Variants in FAM184B observed in about 807,000 individuals in gnomAD.
The protein encoded by FAM184B is family with sequence similarity 184 member B.
A neutral mutation model predicts 135.9 loss-of-function variants in FAM184B; 111 were observed. The observed-to-expected ratio is 0.82, with a 90% CI of 0.70 to 0.96. The LOEUF (loss-of-function observed/expected upper bound fraction) is 0.96, where lower values mean the gene tolerates loss of function less well. Ranked by LOEUF, FAM184B falls within the 40% of genes least tolerant of loss-of-function variation. FAM184B has a pLI of 0.00. For missense variants in FAM184B, 1,375 were observed against 1,323.9 expected (o/e 1.04, Z -0.60); for synonymous variants, 552 against 524.8 (o/e 1.05, Z -0.71).
At chr4:17,704,816 A>G (rs1122675) in intron 5 of FAM184B, among the ~76,000 whole-genome samples, 184 bp downstream of exon 5, 106,541 of 152,158 alleles carry the variant, frequency 0.7, 38,052 homozygotes, top group Non-Finnish European at 0.78. Context: ...AGAAGGCATA[A>G]GGAGCTGTGC....
intron 12 of FAM184B, among the ~76,000 whole-genome samples, chr4:17,646,377 C>T (rs1452428587): frequency 1.3e-5 from 2 of 152,130 alleles, no homozygotes; most frequent in South Asian, 2.1e-4. Flanking sequence ...GGCACATATA[C>T]ACCATGGAAT....
chr4:17,673,107 G>T (rs1577255453), intron 7 of FAM184B, among the ~76,000 whole-genome samples: 2 of 152,100 alleles, frequency 1.3e-5, no homozygotes, highest in East Asian at 3.8e-4. Flanking sequence ...CCACCAAAAA[G>T]TGGGCTAAGG....
At chr4:17,637,027 CCT>C (rs1491506315) in intron 14 of FAM184B, among the ~76,000 whole-genome samples, 1 of 152,022 alleles carries the variant, frequency 6.6e-6, no homozygotes, top group African/African-American at 2.4e-5. Context: ...GTACCTATGG[CCT>C]TTTTTTTCTT....
Position 17,709,522 on chromosome 4 carries a change from T to G in FAM184B, c.264A>C (p.Glu88Asp). 1 of 1,551,090 alleles carries G rather than the reference T, an allele frequency of 6.4e-7. No homozygotes were observed. Among genetic ancestry groups the G allele is most frequent in the Non-Finnish European group, 8.7e-7 (1 of 1,146,966 alleles). Residue 88 changes from glutamate to aspartate, a missense_variant, in exon 2 of 18, where the codon GAA becomes GAC. Physicochemically the swap from Glu to Asp is conservative, Grantham distance 45 (BLOSUM62 2). Coordinates refer to ENST00000265018, the MANE Select transcript of FAM184B (RefSeq NM_015688.2). ...VAETKARLLQ[E>D]QGCAEEEALL... The stretch of plus-strand genomic sequence containing the variant: ...GGGCTTCCTCCTCTGCGCAGCCCTG[T>G]TCCTGCAGGAGCCTGGCCTTGGTCT...
chr4:17,778,721 G>A (rs746643996), intron 1 of FAM184B, among the ~76,000 whole-genome samples: 30 of 152,074 alleles, frequency 2.0e-4, no homozygotes, highest in African/African-American at 6.3e-4. Flanking sequence ...ATTAGCTGGG[G>A]GTGGTGGTGT....
rs1436253655 is a variant in FAM184B, at chr4:17,658,486, G to A, written c.1901C>T (p.Ser634Leu). 26 of 1,551,514 alleles carry A rather than the reference G, an allele frequency of 1.7e-5. No homozygotes were observed. The highest frequency in any genetic ancestry group is 2.7e-5 in the African/African-American group (2 of 73,154). The change falls in exon 10 of 18, where the codon TCG becomes TTG. Residue 634 changes from serine to leucine, a missense_variant. Transcript: ENST00000265018. ...CTGCAGCTTCTCCCTCTCCAGGTCC[G>A]AGAGCTGCTTGAGTGCCTGCAGGTC... ...REDLQALKQL[S>L]DLEREKLQRE...
Position 17,705,054 on chromosome 4 carries a change from C to T in FAM184B, c.1323G>A (p.Val441=). 1 of 1,551,742 alleles carries T rather than the reference C, an allele frequency of 6.4e-7. No homozygotes were observed. ...RLEDLVKKHT[V]EIKSVRSSVE... is the part of the protein sequence containing the mutation. ...CGGACGAGCGAACGGATTTGATTTC[C>T]ACGGTGTGCTTCTTTACCAAGTCTT... is the stretch of plus-strand genomic sequence containing the variant. The change falls in exon 5 of 18, where the codon GTG becomes GTA. Residue 441 remains valine (V), a synonymous_variant. Transcript: ENST00000265018.
At chr4:17,705,321 A>T (rs1000858894) in intron 4 of FAM184B, 115 bp from the exon 5 acceptor site, 6 of 775,706 alleles carry the variant, frequency 7.7e-6, no homozygotes, top group Non-Finnish European at 1.0e-5. Flanking sequence ...TACAGCATGT[A>T]GCACAAGGTG....
intron 1 of FAM184B, among the ~76,000 whole-genome samples, chr4:17,717,197 CCA>C (rs1717415600): frequency 6.6e-6 from 1 of 152,124 alleles, no homozygotes. Flanking sequence ...GAATCCAGGC[CCA>C]GTTTTTGTGA....
intron 1 of FAM184B, among the ~76,000 whole-genome samples, chr4:17,741,608 C>T (rs556729626): frequency 6.6e-6 from 1 of 152,254 alleles, no homozygotes; most frequent in South Asian, 2.1e-4. Flanking sequence ...ACACAAGAAT[C>T]GATTAACCCA....
Position 17,740,992 on chromosome 4 carries a change from C to A in FAM184B, c.142-31348G>T, listed in dbSNP as rs576485050. 3.9e-5 allele frequency among the ~76,000 whole-genome samples: 6 copies of A among 152,260 alleles called. No homozygotes were observed. The South Asian group carries it at 1.2e-3, about 32-fold the overall frequency. ...CCCCAGTTTCTTAGTAAGGAGAAAGCAGTTACCCTTAGGAAATGGAATATA... is the reference window on the plus strand; with the variant it reads ...CCCCAGTTTCTTAGTAAGGAGAAAGAAGTTACCCTTAGGAAATGGAATATA... On this transcript the variant is annotated intron_variant, in intron 1 of 17. Transcript: ENST00000265018.
At chr4:17,742,197 G>T (rs1166896071) in intron 1 of FAM184B, among the ~76,000 whole-genome samples, 1 of 145,706 alleles carries the variant, frequency 6.9e-6, no homozygotes, top group Non-Finnish European at 1.5e-5. Context: ...GCTGGCCAAG[G>T]TGGTTCATGT....
At chr4:17,655,458 C>A (rs1715760879) in intron 10 of FAM184B, among the ~76,000 whole-genome samples, 1 of 152,212 alleles carries the variant, frequency 6.6e-6, no homozygotes, top group African/African-American at 2.4e-5. Context: ...ATTGGAGACT[C>A]ATTCCTGGTG....
At chr4:17,666,360 G>A (rs1440561136) in intron 7 of FAM184B, among the ~76,000 whole-genome samples, 3 of 145,960 alleles carry the variant, frequency 2.1e-5, no homozygotes, top group African/African-American at 7.7e-5. Flanking sequence ...CTGATGTGCA[G>A]TGGCGCAATT....
chr4:17,725,160 G>A (rs1717612731), intron 1 of FAM184B, among the ~76,000 whole-genome samples: 1 of 152,116 alleles, frequency 6.6e-6, no homozygotes, highest in South Asian at 2.1e-4. Context: ...CAGGTCCTCA[G>A]GGACAGGAAC....
At position 17,666,547 on chromosome 4, in the gene FAM184B, C is replaced by T. The variant is rs1004031991; in HGVS notation, c.1597-1888G>A. 7.4e-5 allele frequency among the ~76,000 whole-genome samples: 9 copies of T among 120,908 alleles called. 1 individual carries two copies. In the Admixed American group the frequency reaches 9.1e-4, roughly 12 times the overall value. 79.3% of individuals were successfully genotyped at this position (120,908 alleles called of 152,430 possible). A position where few individuals can be genotyped will look rare whatever the true frequency, so the allele number is the denominator to read the frequency against. On this transcript the variant is annotated intron_variant, in intron 7 of 17. Coordinates refer to ENST00000265018, the MANE Select transcript of FAM184B (RefSeq NM_015688.2). ...CCATGTTGCCCAAGCTGGTCTTGAA[C>T]TCCTGAACTCAGGTGATCTGCCCAC... is the stretch of plus-strand genomic sequence containing the variant.
intron 11 of FAM184B, among the ~76,000 whole-genome samples, chr4:17,652,316 G>C (rs1355738936): frequency 2.6e-5 from 4 of 151,344 alleles, no homozygotes; most frequent in Non-Finnish European, 5.9e-5. Flanking sequence ...AGTAGAGACG[G>C]GGTTTCACTG....
rs1391277058 is a variant in FAM184B at position 17,658,509 on chromosome 4, G to A, written c.1878C>T (p.Asp626=). Residue 626 remains aspartate, a synonymous_variant, in exon 10 of 18, where the codon GAC becomes GAT. Transcript: ENST00000265018. ...CCGAGAGCTGCTTGAGTGCCTGCAG[G>A]TCCTCCCTGTAGTTGCTGGTGCACT... The part of the protein sequence containing the change: ...LEQCTSNYRE[D]LQALKQLSDL... 4 of 1,551,400 alleles carry A rather than the reference G, an allele frequency of 2.6e-6. No individual in the cohort carries two copies. The highest frequency in any genetic ancestry group is 3.5e-6 in the Non-Finnish European group (4 of 1,147,004).
At chr4:17,642,824 T>G (rs1292388033) in intron 12 of FAM184B, among the ~76,000 whole-genome samples, 1 of 152,238 alleles carries the variant, frequency 6.6e-6, no homozygotes, top group Non-Finnish European at 1.5e-5. Context: ...TGCTAGAATG[T>G]CTGTAGTTCA....
Sources: gnomAD v4.1 joint callset for allele counts (sites outside exome capture counted in the v4.1 genomes callset) on GRCh38, gnomAD v4.1.1 for gene constraint, MANE v1.5 for transcripts, NCBI Gene and HGNC (gene_info 2026-07-23, HGNC 2026-07-21) for gene names.